Variants in FMN2 observed in about 807,000 individuals in gnomAD.
FMN2 encodes the protein formin 2.
In FMN2, 51 loss-of-function variants were observed where a neutral mutation model predicts 142.3. The ratio of observed to expected loss-of-function variants is 0.36; its 90% CI spans 0.29 to 0.45. The LOEUF is 0.45. Among genes scored for constraint, FMN2 ranks in the 20% least tolerant of loss-of-function variants. The pLI, the probability that FMN2 is intolerant of heterozygous loss-of-function variation, is 1.00. For synonymous variants in FMN2, 882 were observed against 869.8 expected (o/e 1.01, Z -0.25); for missense variants, 1,936 against 2,122.8 (o/e 0.91, Z 1.73).
intron 15 of FMN2, among the ~76,000 whole-genome samples, chr1:240,414,554 G>A (rs983671155): frequency 6.6e-6 from 1 of 152,166 alleles, no homozygotes; most frequent in Admixed American, 6.5e-5. Context: ...CTGCTATTCA[G>A]TTCTGCCAAA....
intron 6 of FMN2, among the ~76,000 whole-genome samples, chr1:240,219,945 C>T (rs1667044802): frequency 6.6e-6 from 1 of 152,298 alleles, no homozygotes; most frequent in South Asian, 2.1e-4. Flanking sequence ...AAGCGTGAGC[C>T]ACCATGCCCA....
chr1:240,146,505 C>G (rs745566352), intron 2 of FMN2, among the ~76,000 whole-genome samples: 75 of 151,700 alleles, frequency 4.9e-4, no homozygotes, highest in Non-Finnish European at 8.5e-4. Context: ...GAGTTCAAGA[C>G]CAGGCTGGCC....
rs138933735 is a variant in FMN2 at position 240,232,718 on chromosome 1, A to G, written c.4065+21483A>G. The stretch of plus-strand genomic sequence containing the variant: ...GTTTGCCCTCTTTTTTTCTTAATCC[A>G]ACTTAATAAGTCATGTTTGCCATTC... On this transcript the variant is annotated intron_variant, in intron 6 of 17. Coordinates refer to ENST00000319653, the MANE Select transcript of FMN2 (RefSeq NM_020066.5). 1.9e-3 allele frequency among the ~76,000 whole-genome samples: 284 copies of G among 152,240 alleles called. 1 individual carries two copies. Among genetic ancestry groups the G allele is most frequent in the African/African-American group, 6.8e-3 (281 of 41,544 alleles).
intron 1 of FMN2, among the ~76,000 whole-genome samples, chr1:240,117,513 G>A (rs1662070443): frequency 6.6e-6 from 1 of 152,200 alleles, no homozygotes; most frequent in Non-Finnish European, 1.5e-5. Context: ...TAAGAAAGCT[G>A]AAGTGTTTGA....
rs147600648 is a variant in FMN2, at chr1:240,279,451, T to C, written c.4154-15371T>C. Among the ~76,000 whole-genome samples, 1,371 of 152,252 alleles carry C rather than the reference T, an allele frequency of 9.0e-3. 23 individuals carry two copies. The highest frequency in any genetic ancestry group is 0.032 in the African/African-American group (1,317 of 41,550). On this transcript the variant is annotated intron_variant, in intron 7 of 17. Transcript: ENST00000319653. ...ATAATCTCCTTTGTGAAGACATCAC[T>C]GTAAGAAGCAGGTGGTACTTACTGA... is the stretch of plus-strand genomic sequence containing the variant.
chr1:240,409,712 TA>T (rs1303822543), intron 15 of FMN2, among the ~76,000 whole-genome samples: 2 of 152,210 alleles, frequency 1.3e-5, no homozygotes, highest in Non-Finnish European at 2.9e-5. Flanking sequence ...TGTAGTATTG[TA>T]GTATTTTAAT....
intron 4 of FMN2, among the ~76,000 whole-genome samples, chr1:240,194,444 CT>C (rs565369110): frequency 1.6e-3 from 250 of 152,278 alleles, no homozygotes; most frequent in Non-Finnish European, 3.0e-3. Flanking sequence ...CTAAACTCAA[CT>C]TTGATTTGTA....
At chr1:240,182,318 T>C (rs1558342696) in intron 3 of FMN2, among the ~76,000 whole-genome samples, 1 of 152,168 alleles carries the variant, frequency 6.6e-6, no homozygotes, top group Non-Finnish European at 1.5e-5. Context: ...TTAAATCCCT[T>C]CCCTTTCTTT....
At chr1:240,249,883 C>A (rs1668220507) in intron 6 of FMN2, among the ~76,000 whole-genome samples, 1 of 151,912 alleles carries the variant, frequency 6.6e-6, no homozygotes, top group African/African-American at 2.4e-5. Flanking sequence ...GCCTTCATTT[C>A]TTTCTCAGCT....
intron 7 of FMN2, among the ~76,000 whole-genome samples, chr1:240,262,075 C>A (rs10802851): frequency 0.4 from 59,953 of 151,328 alleles, 12,262 homozygotes; most frequent in East Asian, 0.55. Context: ...CCAGTATAGC[C>A]CTTTTTTTTA....
chr1:240,354,302 G>A (rs1372915073), intron 13 of FMN2, among the ~76,000 whole-genome samples: 1 of 152,152 alleles, frequency 6.6e-6, no homozygotes, highest in Non-Finnish European at 1.5e-5. Flanking sequence ...CTGAAGAATG[G>A]AGGCAAAAAC....
At chr1:240,250,116 C>G (rs1294000660) in intron 6 of FMN2, among the ~76,000 whole-genome samples, 1 of 152,026 alleles carries the variant, frequency 6.6e-6, no homozygotes, top group Non-Finnish European at 1.5e-5. Flanking sequence ...GGAATTCTAG[C>G]ACTATGTTAT....
At chr1:240,141,832 C>A (rs564546758) in intron 2 of FMN2, among the ~76,000 whole-genome samples, 1 of 152,120 alleles carries the variant, frequency 6.6e-6, no homozygotes, top group Non-Finnish European at 1.5e-5. Flanking sequence ...CTATGTGGCA[C>A]GTTGGACAGG....
At chr1:240,111,603 T>G (rs1661809566) in intron 1 of FMN2, among the ~76,000 whole-genome samples, 2 of 151,914 alleles carry the variant, frequency 1.3e-5, no homozygotes, top group Non-Finnish European at 2.9e-5. Flanking sequence ...ACCGTCTTGG[T>G]TTTAGTGGGT....
rs552135436 is a variant in FMN2, at chr1:240,336,553, CAAAAA to C, written c.4765+2349_4765+2353del. ...GTTAAAAGGACTTCATGGTATTCTC[CAAAAA>C]AAAAAAAAAAAAAAAAAAAAAAAAG... On this transcript the variant is annotated intron_variant, in intron 13 of 17. Coordinates refer to ENST00000319653, the MANE Select transcript of FMN2 (RefSeq NM_020066.5). Among the ~76,000 whole-genome samples the C allele has an allele frequency of 6.7e-3, 339 of 50,490 alleles. 3 individuals carry two copies. The highest frequency in any genetic ancestry group is 0.018 in the Middle Eastern group (1 of 56). 33.1% of individuals were successfully genotyped at this position (50,490 alleles called of 152,430 possible).
chr1:240,328,282 A>G (rs1289831657), intron 8 of FMN2, among the ~76,000 whole-genome samples: 5 of 151,376 alleles, frequency 3.3e-5, no homozygotes, highest in Non-Finnish European at 5.9e-5. Context: ...AATGATTTCC[A>G]TAGTTAAATA....
intron 6 of FMN2, among the ~76,000 whole-genome samples, chr1:240,213,809 CTG>C (rs1349786758): frequency 6.6e-6 from 1 of 152,172 alleles, no homozygotes; most frequent in Non-Finnish European, 1.5e-5. Context: ...GAAAGTAAGA[CTG>C]TGGTTGAATG....
chr1:240,396,782 A>T (rs1006041887), intron 15 of FMN2, among the ~76,000 whole-genome samples: 6 of 152,174 alleles, frequency 3.9e-5, no homozygotes, highest in Non-Finnish European at 2.9e-5. Context: ...AAAGGACATG[A>T]TTTCATTCAT....
intron 13 of FMN2, among the ~76,000 whole-genome samples, chr1:240,352,203 A>C: frequency 6.6e-6 from 1 of 152,192 alleles, no homozygotes; most frequent in Non-Finnish European, 1.5e-5. Context: ...CTCGCTGAGG[A>C]CAGGGGTTTT....
Sources: gnomAD v4.1 joint callset for allele counts (sites outside exome capture counted in the v4.1 genomes callset) on GRCh38, gnomAD v4.1.1 for gene constraint, MANE v1.5 for transcripts, NCBI Gene and HGNC (gene_info 2026-07-23, HGNC 2026-07-21) for gene names.